The following AGBL4 variants were observed in gnomAD, a reference collection of about 807,000 sequenced individuals.
The protein encoded by AGBL4 is AGBL carboxypeptidase 4.
Under a neutral mutation model 66.4 loss-of-function variants are expected in AGBL4, and 58 were observed. The observed-to-expected ratio is 0.87, with a 90% CI of 0.71 to 1.09. The LOEUF (loss-of-function observed/expected upper bound fraction) is 1.09. AGBL4 is among the 50% of genes least tolerant of loss of function. The pLI, the probability that AGBL4 is intolerant of heterozygous loss-of-function variation, is 0.00. For synonymous variants in AGBL4, 234 were observed against 222.9 expected, an observed-to-expected ratio of 1.05 and a Z score of -0.44; for missense variants, 579 against 631.0, an observed-to-expected ratio of 0.92 and a Z score of 0.88.
At chr1:49,978,940 G>T (rs1008815786) in intron 1 of AGBL4, among the ~76,000 whole-genome samples, 4 of 151,858 alleles carry the variant, frequency 2.6e-5, no homozygotes, top group Non-Finnish European at 5.9e-5. Context: ...GGACTGTGTG[G>T]GTACAATATA....
At chr1:49,501,615 T>G (rs1648162926) in intron 3 of AGBL4, among the ~76,000 whole-genome samples, 1 of 152,098 alleles carries the variant, frequency 6.6e-6, no homozygotes, top group African/African-American at 2.4e-5. Flanking sequence ...CATTGATTTA[T>G]TATTTTTTCT....
At chr1:48,744,043 T>C (rs1166940194) in intron 6 of AGBL4, among the ~76,000 whole-genome samples, 1 of 152,192 alleles carries the variant, frequency 6.6e-6, no homozygotes, top group African/African-American at 2.4e-5. Flanking sequence ...CTGGTAGAGA[T>C]TTCAGGTCCC....
intron 4 of AGBL4, among the ~76,000 whole-genome samples, chr1:49,121,757 C>T (rs1251747291): frequency 6.6e-6 from 1 of 152,222 alleles, no homozygotes; most frequent in Admixed American, 6.5e-5. Flanking sequence ...CAGACATGGA[C>T]GTTTAAGTCT....
intron 3 of AGBL4, among the ~76,000 whole-genome samples, chr1:49,271,593 T>G (rs1278371676): frequency 2.0e-5 from 3 of 151,580 alleles, no homozygotes; most frequent in African/African-American, 7.3e-5. Flanking sequence ...CGTTCTCTCT[T>G]TTCTGATTCT....
intron 3 of AGBL4, among the ~76,000 whole-genome samples, chr1:49,273,821 A>G (rs1191611586): frequency 6.6e-6 from 1 of 152,008 alleles, no homozygotes; most frequent in Non-Finnish European, 1.5e-5. Context: ...GACTACAGGC[A>G]CGTGCCACCA....
At chr1:49,401,310 T>G (rs1265678971) in intron 3 of AGBL4, among the ~76,000 whole-genome samples, 1 of 152,140 alleles carries the variant, frequency 6.6e-6, no homozygotes, top group Non-Finnish European at 1.5e-5. Context: ...AGAAACAACC[T>G]CTGTGATTCA....
intron 5 of AGBL4, among the ~76,000 whole-genome samples, chr1:49,013,370 A>G (rs1662592039): frequency 6.6e-6 from 1 of 152,172 alleles, no homozygotes; most frequent in Admixed American, 6.5e-5. Context: ...ATGTCCAGGA[A>G]TTCTAATGGG....
At chr1:48,681,956 A>G (rs1646461822) in intron 6 of AGBL4, among the ~76,000 whole-genome samples, 1 of 152,256 alleles carries the variant, frequency 6.6e-6, no homozygotes, top group Non-Finnish European at 1.5e-5. Context: ...ATGAGGAGAC[A>G]GGGCTTTTAA....
At chr1:49,496,101 A>T (rs1478768055) in intron 3 of AGBL4, among the ~76,000 whole-genome samples, 1 of 152,082 alleles carries the variant, frequency 6.6e-6, no homozygotes, top group Non-Finnish European at 1.5e-5. Context: ...TGAATGGGCT[A>T]TTCCAATGAG....
chr1:49,424,669 G>A (rs1328012802), intron 3 of AGBL4, among the ~76,000 whole-genome samples: 2 of 152,160 alleles, frequency 1.3e-5, no homozygotes, highest in Non-Finnish European at 2.9e-5. Context: ...TCAAGCCTCT[G>A]TATTCTTCTG....
chr1:48,923,508 C>T (rs1654268681), intron 5 of AGBL4, among the ~76,000 whole-genome samples: 1 of 152,170 alleles, frequency 6.6e-6, no homozygotes, highest in South Asian at 2.1e-4. Flanking sequence ...GTGCACAGCA[C>T]TGTAAAAGTA....
chr1:49,656,587 C>T lies in AGBL4; in HGVS notation c.282+40726G>A, dbSNP rs914534483. ...ATTTTAGACCAATATCCCTGATGAA[C>T]GTTGATGCAAAAATCCTCAATAAAA... On this transcript the variant is annotated intron_variant, in intron 3 of 13. Transcript: ENST00000371839. Among the ~76,000 whole-genome samples, 38 of 152,256 alleles carry T rather than the reference C, an allele frequency of 2.5e-4. 1 individual carries two copies. Among genetic ancestry groups the T allele is most frequent in the African/African-American group, 9.1e-4 (38 of 41,536 alleles).
chr1:49,138,560 A>G (rs929833903), intron 4 of AGBL4, among the ~76,000 whole-genome samples: 1 of 152,050 alleles, frequency 6.6e-6, no homozygotes, highest in Non-Finnish European at 1.5e-5. Context: ...TGAAAATGTC[A>G]CCTGTAATTT....
intron 2 of AGBL4, among the ~76,000 whole-genome samples, chr1:49,811,079 T>C (rs1269321923): frequency 6.6e-6 from 1 of 152,214 alleles, no homozygotes; most frequent in Non-Finnish European, 1.5e-5. Context: ...GGGACCTAGA[T>C]ATCTATCCGA....
At chr1:48,871,586 G>T (rs1648682550) in intron 5 of AGBL4, among the ~76,000 whole-genome samples, 1 of 152,192 alleles carries the variant, frequency 6.6e-6, no homozygotes, top group South Asian at 2.1e-4. Context: ...CCTGCATCCA[G>T]CCTTCCCTGA....
At chr1:48,958,537 T>C (rs140165283) in intron 5 of AGBL4, among the ~76,000 whole-genome samples, 1 of 152,362 alleles carries the variant, frequency 6.6e-6, no homozygotes, top group Non-Finnish European at 1.5e-5. Flanking sequence ...AGCCTCAGTA[T>C]GGAAGAAACC....
At chr1:49,044,226 G>A (rs976488357) in intron 5 of AGBL4, among the ~76,000 whole-genome samples, 5 of 152,064 alleles carry the variant, frequency 3.3e-5, no homozygotes, top group Admixed American at 1.3e-4. Context: ...GGCAGGGTAC[G>A]GTGGCTCACA....
At chr1:49,657,785 TG>T (rs1256120048) in intron 3 of AGBL4, among the ~76,000 whole-genome samples, 2 of 152,162 alleles carry the variant, frequency 1.3e-5, no homozygotes, top group Non-Finnish European at 2.9e-5. Context: ...TAAATGGTGC[TG>T]GGAAAACTGG....
chr1:49,724,145 G>A (rs762892474), intron 2 of AGBL4, among the ~76,000 whole-genome samples: 1 of 152,050 alleles, frequency 6.6e-6, no homozygotes, highest in Non-Finnish European at 1.5e-5. Context: ...CAAGAAAAGG[G>A]GTATTGGATG....
Sources: gnomAD v4.1 joint callset for allele counts (sites outside exome capture counted in the v4.1 genomes callset) on GRCh38, gnomAD v4.1.1 for gene constraint, MANE v1.5 for transcripts, NCBI Gene and HGNC (gene_info 2026-07-23, HGNC 2026-07-21) for gene names.